Variants in DENND2B observed in about 807,000 individuals in gnomAD.
DENND2B encodes DENN domain-containing protein 2B.
A neutral mutation model predicts 116.0 loss-of-function variants in DENND2B; 32 were observed. The observed-to-expected ratio is 0.28, with a 90% CI of 0.21 to 0.37. The LOEUF (loss-of-function observed/expected upper bound fraction) is 0.37, where lower values mean the gene tolerates loss of function less well. DENND2B is among the 10% of genes least tolerant of loss of function. DENND2B has a pLI of 1.00. For missense variants in DENND2B, 1,276 were observed against 1,477.7 expected, an observed-to-expected ratio of 0.86 and a Z score of 2.24; for synonymous variants, 588 against 583.9, an observed-to-expected ratio of 1.01 and a Z score of -0.10.
chr11:8,801,895 G>C (rs1197417305), intron 1 of DENND2B, among the ~76,000 whole-genome samples: 1 of 150,958 alleles, frequency 6.6e-6, no homozygotes, highest in African/African-American at 2.4e-5. Flanking sequence ...CAGAGGCTGA[G>C]GTGGGAGGAT....
rs201822033 is a variant in DENND2B, at chr11:8,699,288, G to A, written c.2823C>T (p.Val941=). The A allele has an allele frequency of 1.9e-5, 31 of 1,604,238 alleles. No individual in the cohort carries two copies. In the African/African-American group the frequency reaches 3.6e-4, roughly 19 times the overall value. The part of the protein sequence containing the change: ...PVLPASMIDI[V]CCPTPFLVGL... ...CAACCAGGAAGGGGGTGGGACAGCA[G>A]ACGATGTCAATCATGGAGGCCGGGA... The change falls in exon 15 of 20, where the codon GTC becomes GTT. Residue 941 remains valine, a synonymous_variant. Transcript: ENST00000313726.
intron 2 of DENND2B, among the ~76,000 whole-genome samples, chr11:8,866,255 G>A (rs773006764): frequency 1.5e-4 from 23 of 152,164 alleles, no homozygotes; most frequent in Admixed American, 3.9e-4. Context: ...CACCGCACCC[G>A]ACCTGCAGTC....
chr11:8,706,937 C>T (rs1056136534), intron 13 of DENND2B, 148 bp downstream of exon 13: 4 of 1,045,752 alleles, frequency 3.8e-6, no homozygotes, highest in Non-Finnish European at 5.3e-6. Flanking sequence ...ATTGTTTGCT[C>T]TTTTGGTCCC....
rs765803526 is a variant in DENND2B, at chr11:8,750,716, A to G, written c.-16T>C. The G allele has an allele frequency of 1.9e-6, 3 of 1,614,020 alleles. No homozygotes were observed. The highest frequency in any genetic ancestry group is 2.5e-6 in the Non-Finnish European group (3 of 1,180,012). ...TCATGGTCATTTCGGCTCTCTGCAA[A>G]CCCAGAGCCCTGCAAAGACGACAAT... On this transcript the variant is annotated 5_prime_UTR_variant, in exon 2 of 20. Transcript: ENST00000313726.
intron 1 of DENND2B, chr11:8,895,699 A>G (rs2064093404): frequency 6.6e-6 from 1 of 152,234 alleles, no homozygotes; most frequent in African/African-American, 2.4e-5. Context: ...GAATATATTT[A>G]ATACCACTGA....
intron 1 of DENND2B, among the ~76,000 whole-genome samples, chr11:8,904,603 A>G (rs2064212260): frequency 6.6e-6 from 1 of 152,210 alleles, no homozygotes; most frequent in Non-Finnish European, 1.5e-5. Context: ...AGAAGTCCTG[A>G]TTGAAAAGAA....
chr11:8,695,971 G>A (rs1268824047), intron 18 of DENND2B: 6 of 244,016 alleles, frequency 2.5e-5, no homozygotes, highest in Admixed American at 1.5e-4. Flanking sequence ...AAAAGCCCTC[G>A]AATGAGCTGA....
rs183945478 is a variant in DENND2B at position 8,694,619 on chromosome 11, T to C, written c.3380-489A>G. 6.6e-6 allele frequency: 3 copies of C among 456,494 alleles called. No individual in the cohort carries two copies. In the Admixed American group the frequency reaches 7.0e-5, roughly 11 times the overall value. 28.3% of individuals were successfully genotyped at this position (456,494 alleles called of 1,614,324 possible). A position where few individuals can be genotyped will look rare whatever the true frequency, so the allele number is the denominator to read the frequency against. On this transcript the variant is annotated intron_variant, in intron 19 of 19. Coordinates refer to ENST00000313726, the MANE Select transcript of DENND2B (RefSeq NM_213618.2). ...AAATACAGCCTGTCCTCCATATCCA[T>C]GAGTTCTGCGTCCATGGGTTCCATG... is the stretch of plus-strand genomic sequence containing the variant.
At chr11:8,876,852 C>A (rs2063846611) in intron 2 of DENND2B, among the ~76,000 whole-genome samples, 1 of 149,234 alleles carries the variant, frequency 6.7e-6, no homozygotes, top group African/African-American at 2.5e-5. Flanking sequence ...GCACATCAGC[C>A]TGGGCGACAG....
At chr11:8,909,439 A>AAGAAGG (rs1555224064) in intron 1 of DENND2B, among the ~76,000 whole-genome samples, 418 of 149,340 alleles carry the variant, frequency 2.8e-3, no homozygotes, top group African/African-American at 9.6e-3. Flanking sequence ...GAGGAGGAGG[A>AAGAAGG]AGAAGGAGAA....
chr11:8,866,001 C>T (rs993021654), intron 2 of DENND2B, among the ~76,000 whole-genome samples: 1 of 151,934 alleles, frequency 6.6e-6, no homozygotes, highest in East Asian at 1.9e-4. Context: ...GCTCTGTCGC[C>T]CAGGCTGGAG....
chr11:8,887,689 T>A (rs899769114), intron 1 of DENND2B, among the ~76,000 whole-genome samples: 3 of 152,178 alleles, frequency 2.0e-5, no homozygotes, highest in African/African-American at 7.2e-5. Context: ...CTGCCCCACA[T>A]ACCTTATGCC....
chr11:8,804,664 C>T (rs1246281657), intron 1 of DENND2B, among the ~76,000 whole-genome samples: 1 of 151,866 alleles, frequency 6.6e-6, no homozygotes, highest in Non-Finnish European at 1.5e-5. Context: ...CCTACCTCAG[C>T]CTCCCGAGTA....
At chr11:8,801,414 C>T (rs181093776) in intron 1 of DENND2B, among the ~76,000 whole-genome samples, 352 of 152,202 alleles carry the variant, frequency 2.3e-3, no homozygotes, top group Non-Finnish European at 3.0e-3. Context: ...TGGTGGCTCA[C>T]GCCTATAATC....
intron 17 of DENND2B, 110 bp from the exon 18 acceptor site, chr11:8,696,776 C>T: frequency 6.7e-7 from 1 of 1,481,750 alleles, no homozygotes; most frequent in East Asian, 2.3e-5. Context: ...GCCAGTACCA[C>T]TCTTCTGTTC....
chr11:8,875,897 T>A (rs539104672), upstream of DENND2B, among the ~76,000 whole-genome samples: 1 of 152,166 alleles, frequency 6.6e-6, no homozygotes, highest in African/African-American at 2.4e-5. Context: ...GTAGAAAGCA[T>A]ACGTTGAGTC....
chr11:8,737,934 G>C (rs1469814976), intron 2 of DENND2B, among the ~76,000 whole-genome samples: 1 of 147,294 alleles, frequency 6.8e-6, no homozygotes, highest in Non-Finnish European at 1.5e-5. Context: ...TTTTTTCACA[G>C]ATGGGGGTCT....
intron 1 of DENND2B, among the ~76,000 whole-genome samples, chr11:8,760,836 G>A (rs1183532352): frequency 6.6e-6 from 1 of 152,156 alleles, no homozygotes; most frequent in Admixed American, 6.5e-5. Context: ...ACCAACATTT[G>A]TTTTGCTGGG....
At chr11:8,868,170 C>G (rs2063651285) in intron 2 of DENND2B, among the ~76,000 whole-genome samples, 1 of 152,194 alleles carries the variant, frequency 6.6e-6, no homozygotes, top group Non-Finnish European at 1.5e-5. Context: ...TAGCTCTTTA[C>G]CCAGTGAACC....
Sources: gnomAD v4.1 joint callset for allele counts (sites outside exome capture counted in the v4.1 genomes callset) on GRCh38, gnomAD v4.1.1 for gene constraint, MANE v1.5 for transcripts, NCBI Gene and HGNC (gene_info 2026-07-23, HGNC 2026-07-21) for gene names.